The following ADGRA3 variants were observed in gnomAD, a reference collection of about 807,000 sequenced individuals.
The protein encoded by ADGRA3 is adhesion G protein-coupled receptor A3.
A neutral mutation model predicts 119.8 loss-of-function variants in ADGRA3; 56 were observed. That is an observed-to-expected ratio of 0.47 (90% CI 0.38 to 0.58). The LOEUF is 0.58. Ranked by LOEUF, ADGRA3 falls within the 20% of genes least tolerant of loss-of-function variation. The pLI, the probability that ADGRA3 is intolerant of heterozygous loss-of-function variation, is 0.00. For synonymous variants in ADGRA3, 607 were observed against 623.8 expected (o/e 0.97, Z 0.40); for missense variants, 1,516 against 1,649.0 (o/e 0.92, Z 1.40).
Position 22,401,539 on chromosome 4 carries a change from G to T in ADGRA3, c.2373C>A (p.Ser791Arg). The change falls in exon 16 of 19, where the codon AGC (serine) becomes AGA (arginine). Residue 791 changes from serine (S) to arginine (R), a missense_variant. By Grantham distance (110) the Ser-to-Arg change is moderately radical (BLOSUM62 -1). Coordinates refer to ENST00000334304, the MANE Select transcript of ADGRA3 (RefSeq NM_145290.4). The stretch of plus-strand genomic sequence containing the variant: ...TCACAAGCATGTGCCAGCTCTTGAG[G>T]CTGATTCTAATCAAACTGTTTAAAA... ...YIYHHSLIRI[S>R]LKSWHMLVNL... 1 of 1,604,154 alleles carries T rather than the reference G, an allele frequency of 6.2e-7. No individual in the cohort carries two copies. Among genetic ancestry groups the T allele is most frequent in the Non-Finnish European group, 8.5e-7 (1 of 1,173,984 alleles).
chr4:22,398,423 A>AT (rs1560296138), intron 16 of ADGRA3, among the ~76,000 whole-genome samples: 1 of 152,156 alleles, frequency 6.6e-6, no homozygotes, highest in East Asian at 1.9e-4. Flanking sequence ...TGATAAGTAC[A>AT]TAAGAATCTA....
In ADGRA3 at chr4:22,468,967, AG is replaced by A. The variant is rs529580706; in HGVS notation, c.329+4804del. 2.0e-3 allele frequency among the ~76,000 whole-genome samples: 304 copies of A among 152,248 alleles called. 1 individual carries two copies. Among genetic ancestry groups the A allele is most frequent in the African/African-American group, 7.0e-3 (289 of 41,552 alleles). On this transcript the variant is annotated intron_variant, in intron 2 of 18. Transcript: ENST00000334304. Reference sequence around the variant, plus strand: ...CTAATAATAATGTTTTTTAGCAAGTAGGCCAACAGGGACTATTATTATGCAA... The same window carrying A: ...CTAATAATAATGTTTTTTAGCAAGTAGCCAACAGGGACTATTATTATGCAA...
At chr4:22,488,326 G>C (rs1192871238) in intron 1 of ADGRA3, among the ~76,000 whole-genome samples, 1 of 150,956 alleles carries the variant, frequency 6.6e-6, no homozygotes, top group Non-Finnish European at 1.5e-5. Context: ...TCTCAACTCT[G>C]ACTGCACATC....
chr4:22,475,827 G>C (rs1200692248), intron 1 of ADGRA3, among the ~76,000 whole-genome samples: 4 of 152,158 alleles, frequency 2.6e-5, no homozygotes. Context: ...TGGGTGCAGT[G>C]TATACTGCTC....
Position 22,421,037 on chromosome 4 carries a change from G to A in ADGRA3, c.1658C>T (p.Thr553Met), listed in dbSNP as rs186077400. Residue 553 changes from threonine to methionine, a missense_variant, in exon 12 of 19, where the codon ACG becomes ATG. Physicochemically the swap from Thr to Met is moderately conservative, Grantham distance 81 (BLOSUM62 -1). Coordinates refer to ENST00000334304, the MANE Select transcript of ADGRA3 (RefSeq NM_145290.4). ...EAYVIKSTGF[T>M]GMTCTVFQKV... ...CTGGAACACGGTACAGGTCATCCCC[G>A]TGAAGCCAGTAGACTTGATGACATA... The A allele has an allele frequency of 6.3e-5, 102 of 1,613,956 alleles. No individual in the cohort carries two copies. The highest frequency in any genetic ancestry group is 7.9e-5 in the Non-Finnish European group (93 of 1,179,924).
chr4:22,515,200 AACTC>A (rs769193731), intron 1 of ADGRA3: 42 of 194,636 alleles, frequency 2.2e-4, no homozygotes, highest in Non-Finnish European at 3.8e-4. Flanking sequence ...AATGAGCTTT[AACTC>A]TGTTGACTGC....
chr4:22,454,327 A>G (rs1717168517), intron 4 of ADGRA3, among the ~76,000 whole-genome samples: 1 of 152,194 alleles, frequency 6.6e-6, no homozygotes, highest in Non-Finnish European at 1.5e-5. Context: ...TTGTAGACGA[A>G]AAACAGAAAA....
At chr4:22,408,193 CAT>C (rs1715031241) in intron 14 of ADGRA3, among the ~76,000 whole-genome samples, 1 of 151,790 alleles carries the variant, frequency 6.6e-6, no homozygotes, top group South Asian at 2.1e-4. Context: ...AAAGGTAAAA[CAT>C]ATTAAAGCTT....
At chr4:22,402,330 G>C (rs961284174) in intron 15 of ADGRA3, among the ~76,000 whole-genome samples, 1 of 152,066 alleles carries the variant, frequency 6.6e-6, no homozygotes, top group Admixed American at 6.6e-5. Context: ...GATACTTAGA[G>C]ACACCCCTTT....
At chr4:22,472,822 GA>G (rs1355287992) in intron 2 of ADGRA3, among the ~76,000 whole-genome samples, 1 of 152,148 alleles carries the variant, frequency 6.6e-6, no homozygotes, top group Non-Finnish European at 1.5e-5. Flanking sequence ...TTATTCCACA[GA>G]AACGGAGACA....
At position 22,495,655 on chromosome 4, in the gene ADGRA3, TC is replaced by T. The variant is rs940157355; in HGVS notation, c.257+19872del. ...CGGGCGTGGTGGCTCACGCCTGTAA[TC>T]CCAGCACTTTGGGAGGCCAGGGCGG... On this transcript the variant is annotated intron_variant, in intron 1 of 18. Coordinates refer to ENST00000334304, the MANE Select transcript of ADGRA3 (RefSeq NM_145290.4). 2.9e-4 allele frequency among the ~76,000 whole-genome samples: 44 copies of T among 152,094 alleles called. 3 individuals carry two copies. The highest frequency in any genetic ancestry group is 1.0e-3 in the African/African-American group (43 of 41,388).
Position 22,442,891 on chromosome 4 carries a change from A to G in ADGRA3, c.707-28T>C, listed in dbSNP as rs888883650. 3 of 1,496,288 alleles carry G rather than the reference A, an allele frequency of 2.0e-6. No homozygotes were observed. The African/African-American group carries it at 4.1e-5, about 21-fold the overall frequency. 92.7% of individuals were successfully genotyped at this position (1,496,288 alleles called of 1,614,324 possible). ...AGAGACAATCAAACAAAGATTCAGTAAACAAATATAATTTCCAAACACCAT... is the reference window on the plus strand; with the variant it reads ...AGAGACAATCAAACAAAGATTCAGTGAACAAATATAATTTCCAAACACCAT... On this transcript the variant is annotated intron_variant, in intron 6 of 18. Transcript: ENST00000334304.
rs762653532 is a variant in ADGRA3 at position 22,424,203 on chromosome 4, G to A, written c.1593C>T (p.His531=). The A allele has an allele frequency of 2.0e-5, 32 of 1,610,100 alleles. No homozygotes were observed. The highest frequency in any genetic ancestry group is 5.0e-5 in the Admixed American group (3 of 59,714). The change falls in exon 11 of 19, where the codon CAC becomes CAT. Residue 531 remains histidine, a synonymous_variant. Coordinates refer to ENST00000334304, the MANE Select transcript of ADGRA3 (RefSeq NM_145290.4). ...ATGTTACACTTACTGTTGAATAAAC[G>A]TGAGCTCCACCGGCTAGCCGGTAGG... is the stretch of plus-strand genomic sequence containing the variant. ...IATYRLAGGA[H]VYSTYSPNIA...
intron 1 of ADGRA3, among the ~76,000 whole-genome samples, chr4:22,495,705 G>A (rs970098851): frequency 2.0e-5 from 3 of 151,680 alleles, no homozygotes; most frequent in East Asian, 3.9e-4. Context: ...TCAGGAGATC[G>A]AGATCATCCT....
intron 4 of ADGRA3, among the ~76,000 whole-genome samples, chr4:22,448,306 C>G (rs937301580): frequency 6.6e-6 from 1 of 152,184 alleles, no homozygotes; most frequent in African/African-American, 2.4e-5. Flanking sequence ...GCCCATTGCT[C>G]AGGATGTACA....
At chr4:22,427,931 T>C in intron 10 of ADGRA3, among the ~76,000 whole-genome samples, 1 of 152,182 alleles carries the variant, frequency 6.6e-6, no homozygotes, top group East Asian at 1.9e-4. Flanking sequence ...AAATGGACTT[T>C]ATCGAAGATA....
intron 16 of ADGRA3, 36 bp from the exon 17 acceptor site, chr4:22,392,726 A>G (rs1241323498): frequency 6.3e-7 from 1 of 1,582,052 alleles, no homozygotes; most frequent in East Asian, 2.3e-5. Flanking sequence ...AAAAGAAAAA[A>G]AATGTTCCTA....
intron 1 of ADGRA3, among the ~76,000 whole-genome samples, chr4:22,507,667 A>G (rs750702168): frequency 2.1e-4 from 32 of 152,142 alleles, no homozygotes; most frequent in Non-Finnish European, 3.8e-4. Context: ...AAACAACAGG[A>G]TTTTGAGGCT....
At chr4:22,419,072 T>C (rs1715544646) in intron 12 of ADGRA3, among the ~76,000 whole-genome samples, 1 of 151,796 alleles carries the variant, frequency 6.6e-6, no homozygotes. Flanking sequence ...GGAGGGAGTA[T>C]AGAGGGAAGG....
Sources: allele counts gnomAD v4.1 joint callset (sites outside exome capture counted in the v4.1 genomes callset), GRCh38; gene constraint gnomAD v4.1.1; transcripts MANE v1.5; gene names NCBI Gene and HGNC (gene_info 2026-07-23, HGNC 2026-07-21).